SIPA1L2: variants seen among roughly 807,000 people sequenced by gnomAD.
The protein encoded by SIPA1L2 is signal-induced proliferation-associated 1-like protein 2.
In SIPA1L2, 56 loss-of-function variants were observed where a neutral mutation model predicts 163.9. The observed-to-expected ratio is 0.34, with a 90% CI of 0.28 to 0.43. The LOEUF (loss-of-function observed/expected upper bound fraction) is 0.43. Among genes scored for constraint, SIPA1L2 ranks in the 20% least tolerant of loss-of-function variants. SIPA1L2 has a pLI of 1.00. For missense variants in SIPA1L2, 1,974 were observed against 2,193.5 expected (o/e 0.90, Z 2.00); for synonymous variants, 877 against 865.7 (o/e 1.01, Z -0.23).
intron 2 of SIPA1L2, among the ~76,000 whole-genome samples, chr1:232,535,697 A>G (rs1360626097): frequency 6.6e-6 from 1 of 152,214 alleles, no homozygotes; most frequent in East Asian, 1.9e-4. Flanking sequence ...TGAATGCCAG[A>G]CATTCAGTTC....
intron 10 of SIPA1L2, among the ~76,000 whole-genome samples, chr1:232,449,219 T>G (rs947505834): frequency 6.6e-6 from 1 of 151,996 alleles, no homozygotes; most frequent in African/African-American, 2.4e-5. Flanking sequence ...TTATGAGAGA[T>G]AAAAACTTAA....
intron 5 of SIPA1L2, among the ~76,000 whole-genome samples, chr1:232,488,506 C>T (rs1665761464): frequency 6.6e-6 from 1 of 152,134 alleles, no homozygotes; most frequent in Non-Finnish European, 1.5e-5. Flanking sequence ...TCCTCATGTA[C>T]AATGGGAATC....
intron 1 of SIPA1L2, among the ~76,000 whole-genome samples, chr1:232,574,425 C>T (rs536187188): frequency 3.4e-4 from 50 of 147,900 alleles, no homozygotes; most frequent in Non-Finnish European, 1.5e-4. Context: ...CATACGATAG[C>T]ACAAGAGATT....
chr1:232,496,933 T>C (rs953624588), intron 3 of SIPA1L2, among the ~76,000 whole-genome samples: 5 of 152,228 alleles, frequency 3.3e-5, no homozygotes, highest in African/African-American at 1.2e-4. Flanking sequence ...CTATATTTGG[T>C]ATTTGATGAG....
intron 10 of SIPA1L2, among the ~76,000 whole-genome samples, chr1:232,457,849 G>C (rs748348145): frequency 2.6e-5 from 4 of 152,202 alleles, no homozygotes; most frequent in Non-Finnish European, 5.9e-5. Flanking sequence ...GGCTGGTATT[G>C]CAAGGGTGGT....
At chr1:232,544,669 G>C (rs1330558438) in intron 2 of SIPA1L2, among the ~76,000 whole-genome samples, 3 of 152,180 alleles carry the variant, frequency 2.0e-5, no homozygotes, top group Non-Finnish European at 4.4e-5. Flanking sequence ...GAAATGTGCT[G>C]GCAGAAGGGA....
At chr1:232,605,940 A>T (rs1469206162) in intron 1 of SIPA1L2, among the ~76,000 whole-genome samples, 1 of 152,224 alleles carries the variant, frequency 6.6e-6, no homozygotes, top group Non-Finnish European at 1.5e-5. Flanking sequence ...ACAATGCTGT[A>T]GCACACACAG....
In SIPA1L2 at chr1:232,530,098, G is replaced by A. The variant is rs559115202; in HGVS notation, c.-269-14490C>T. Among the ~76,000 whole-genome samples the A allele has an allele frequency of 6.6e-5, 10 of 151,742 alleles. No individual in the cohort carries two copies. The South Asian group carries it at 2.1e-3, about 32-fold the overall frequency. ...TAACCAGAATCCTCATCATCTCTAG[G>A]GGCAGGAAGCCTCACCATTTATTCT... On this transcript the variant is annotated intron_variant, in intron 2 of 22. Transcript: ENST00000674635.
intron 1 of SIPA1L2, among the ~76,000 whole-genome samples, chr1:232,626,670 A>G (rs1420191547): frequency 6.6e-6 from 1 of 152,254 alleles, no homozygotes; most frequent in East Asian, 1.9e-4. Flanking sequence ...ATTGATTTCA[A>G]GGTAAACCAA....
At chr1:232,529,852 G>A (rs971337334) in intron 2 of SIPA1L2, among the ~76,000 whole-genome samples, 3 of 152,188 alleles carry the variant, frequency 2.0e-5, no homozygotes, top group Admixed American at 6.5e-5. Flanking sequence ...AGAGAAAGCC[G>A]TAAGAGATCT....
At chr1:232,615,916 A>C (rs1662475769) in intron 1 of SIPA1L2, among the ~76,000 whole-genome samples, 1 of 152,260 alleles carries the variant, frequency 6.6e-6, no homozygotes, top group Non-Finnish European at 1.5e-5. Flanking sequence ...TAAAAAAAGA[A>C]CATGTAATAA....
chr1:232,477,670 T>G (rs1330116351), intron 7 of SIPA1L2, among the ~76,000 whole-genome samples: 1 of 152,216 alleles, frequency 6.6e-6, no homozygotes, highest in East Asian at 1.9e-4. Flanking sequence ...CTGTCCTGAT[T>G]TTTGCGCATA....
At position 232,398,939 on chromosome 1, in the gene SIPA1L2, G is replaced by A. The variant is rs567312987; in HGVS notation, c.*188C>T. The A allele has an allele frequency of 9.4e-5, 63 of 669,752 alleles. No homozygotes were observed. The African/African-American group carries it at 9.8e-4, about 10-fold the overall frequency. The allele number at this position is 669,752 out of a possible 1,614,324, so 41.5% of individuals were successfully genotyped here. A position where few individuals can be genotyped will look rare whatever the true frequency, so the allele number is the denominator to read the frequency against. ...TACATTCATTCATCTTCACATCGGC[G>A]CTGCTCTCTGCCGTGGTTACCGAGA... On this transcript the variant is annotated 3_prime_UTR_variant, in exon 23 of 23. Transcript: ENST00000674635.
intron 1 of SIPA1L2, among the ~76,000 whole-genome samples, chr1:232,590,712 A>G (rs911676256): frequency 1.4e-5 from 2 of 143,102 alleles, no homozygotes; most frequent in African/African-American, 4.9e-5. Context: ...CACCATAAAA[A>G]AACAAAAAAA....
At chr1:232,624,981 G>T (rs1225222085) in intron 1 of SIPA1L2, among the ~76,000 whole-genome samples, 1 of 152,194 alleles carries the variant, frequency 6.6e-6, no homozygotes, top group Admixed American at 6.5e-5. Flanking sequence ...ATCACAGTGT[G>T]ACCCTAGTGT....
chr1:232,593,652 G>A (rs1661080765), intron 1 of SIPA1L2, among the ~76,000 whole-genome samples: 1 of 152,136 alleles, frequency 6.6e-6, no homozygotes, highest in South Asian at 2.1e-4. Context: ...TATCTTAGAA[G>A]TCAGAGTGGC....
intron 10 of SIPA1L2, among the ~76,000 whole-genome samples, chr1:232,455,452 T>C (rs1338987651): frequency 1.3e-5 from 2 of 152,022 alleles, no homozygotes; most frequent in Non-Finnish European, 1.5e-5. Context: ...GAGGCTGAGG[T>C]GGGAGGATCA....
chr1:232,487,579 C>T (rs1244663508), intron 5 of SIPA1L2, among the ~76,000 whole-genome samples: 1 of 152,106 alleles, frequency 6.6e-6, no homozygotes, highest in African/African-American at 2.4e-5. Flanking sequence ...TACAGTCATC[C>T]TCTATAATTT....
At chr1:232,403,330 T>C in intron 21 of SIPA1L2, 118 bp downstream of exon 21, 1 of 1,320,182 alleles carries the variant, frequency 7.6e-7, no homozygotes, top group Non-Finnish European at 1.0e-6. Flanking sequence ...TCTTCAGGAC[T>C]GGGAAAGGGC....
Sources: allele counts gnomAD v4.1 joint callset (sites outside exome capture counted in the v4.1 genomes callset), GRCh38; gene constraint gnomAD v4.1.1; transcripts MANE v1.5; gene names NCBI Gene and HGNC (gene_info 2026-07-23, HGNC 2026-07-21).